The following RERE variants were observed in gnomAD, a reference collection of about 807,000 sequenced individuals.
RERE encodes arginine-glutamic acid dipeptide repeats protein.
A neutral mutation model predicts 146.1 loss-of-function variants in RERE; 40 were observed. That is an observed-to-expected ratio of 0.27 (90% CI 0.21 to 0.36). RERE has a LOEUF of 0.36. RERE is among the 10% of genes least tolerant of loss of function. The pLI, the probability that RERE is intolerant of heterozygous loss-of-function variation, is 1.00. For missense variants in RERE, 1,933 were observed against 2,138.7 expected, an observed-to-expected ratio of 0.90 and a Z score of 1.90; for synonymous variants, 1,003 against 866.0, an observed-to-expected ratio of 1.16 and a Z score of -2.78.
At chr1:8,484,422 A>C (rs1644872320) in intron 10 of RERE, among the ~76,000 whole-genome samples, 1 of 148,276 alleles carries the variant, frequency 6.7e-6, no homozygotes, top group Admixed American at 7.1e-5. Context: ...AAAAATACAA[A>C]TAAAACTTTT....
At chr1:8,467,067 T>C (rs910674634) in intron 10 of RERE, among the ~76,000 whole-genome samples, 3 of 152,348 alleles carry the variant, frequency 2.0e-5, no homozygotes, top group South Asian at 2.1e-4. Flanking sequence ...ACACAGTCCA[T>C]AGTATAAGGT....
At position 8,358,865 on chromosome 1, in the gene RERE, C is replaced by A. The variant is rs757937844; in HGVS notation, c.3670G>T (p.Gly1224Cys). Residue 1224 changes from glycine to cysteine, a missense_variant, in exon 20 of 23, where the codon GGT (glycine) becomes TGT (cysteine). Around this residue, in one of 11 missense-constraint regions of RERE, gnomAD observed 1,255 missense variants for 1,153.8 expected, o/e 1.09. Transcript: ENST00000400908. ...EGRLSDPQLS[G>C]PGHMRPSFEP... is the part of the protein sequence containing the mutation. ...AAGGATGGCCGCATGTGGCCAGGACCACTGAGCTGTGGGTCACTGAGGCGA... is the reference window on the plus strand; with the variant it reads ...AAGGATGGCCGCATGTGGCCAGGACAACTGAGCTGTGGGTCACTGAGGCGA... 6.3e-7 allele frequency: 1 copy of A among 1,586,566 alleles called. No homozygotes were observed. Among genetic ancestry groups the A allele is most frequent in the Non-Finnish European group, 8.6e-7 (1 of 1,164,876 alleles).
chr1:8,596,036 T>C (rs1025624920), intron 4 of RERE, among the ~76,000 whole-genome samples: 7 of 152,168 alleles, frequency 4.6e-5, no homozygotes, highest in Non-Finnish European at 8.8e-5. Context: ...ACTGATCCAC[T>C]AGAAATAAAG....
At chr1:8,355,384 TA>T in intron 22 of RERE, 34 bp downstream of exon 22, 1 of 1,603,516 alleles carries the variant, frequency 6.2e-7, no homozygotes, top group Non-Finnish European at 8.5e-7. Flanking sequence ...TGGGCTCAGA[TA>T]ACCCCTCCAC....
chr1:8,545,633 CTT>C (rs1197146390), intron 6 of RERE, among the ~76,000 whole-genome samples: 3 of 149,554 alleles, frequency 2.0e-5, no homozygotes, highest in African/African-American at 4.9e-5. Context: ...AAGATGGAGT[CTT>C]AAGAATAAAA....
chr1:8,362,422 G>C (rs905632198), intron 16 of RERE, among the ~76,000 whole-genome samples: 1 of 152,140 alleles, frequency 6.6e-6, no homozygotes, highest in African/African-American at 2.4e-5. Context: ...GGAGGGAGCC[G>C]TTCTAACCAC....
rs531046712 is a variant in RERE at position 8,747,126 on chromosome 1, C to T, written c.-145+70034G>A. 2.2e-4 allele frequency among the ~76,000 whole-genome samples: 34 copies of T among 152,108 alleles called. No individual in the cohort carries two copies. In the East Asian group the frequency reaches 5.0e-3, roughly 23 times the overall value. ...ACGCCATTCTCCTGCCTCAGCCTCCCGAGTAGCTGGGACTACAGGGGCCCA... is the reference window on the plus strand; with the variant it reads ...ACGCCATTCTCCTGCCTCAGCCTCCTGAGTAGCTGGGACTACAGGGGCCCA... On this transcript the variant is annotated intron_variant, in intron 1 of 22. Coordinates refer to ENST00000400908, the MANE Select transcript of RERE (RefSeq NM_001042681.2).
chr1:8,568,408 C>A (rs552857557), intron 4 of RERE, among the ~76,000 whole-genome samples: 2 of 152,318 alleles, frequency 1.3e-5, no homozygotes, highest in South Asian at 2.1e-4. Flanking sequence ...ATGTTTGTCA[C>A]CCTCAGAAAC....
chr1:8,599,445 C>T (rs1343140746), intron 4 of RERE, among the ~76,000 whole-genome samples: 1 of 152,016 alleles, frequency 6.6e-6, no homozygotes, highest in Non-Finnish European at 1.5e-5. Flanking sequence ...CTGTTAAACA[C>T]AGAGAATATG....
chr1:8,412,530 C>T (rs1230212849), intron 12 of RERE, among the ~76,000 whole-genome samples: 6 of 152,224 alleles, frequency 3.9e-5, no homozygotes, highest in Admixed American at 3.9e-4. Flanking sequence ...TGTGTGTGTT[C>T]ATGTGCACAC....
intron 7 of RERE, among the ~76,000 whole-genome samples, chr1:8,535,097 G>A (rs973841903): frequency 2.0e-5 from 3 of 151,896 alleles, no homozygotes; most frequent in East Asian, 1.9e-4. Context: ...CCGTACCTAC[G>A]AATAGCCACC....
At position 8,607,530 on chromosome 1, in the gene RERE, A is replaced by ATATT. The variant is rs1646732034; in HGVS notation, c.522+7030_522+7031insAATA. 1.2e-4 allele frequency among the ~76,000 whole-genome samples: 7 copies of ATATT among 57,598 alleles called. No individual in the cohort carries two copies. In the East Asian group the frequency reaches 6.7e-3, roughly 55 times the overall value. 37.8% of individuals were successfully genotyped at this position (57,598 alleles called of 152,430 possible). On this transcript the variant is annotated intron_variant, in intron 4 of 22. Coordinates refer to ENST00000400908, the MANE Select transcript of RERE (RefSeq NM_001042681.2). The stretch of plus-strand genomic sequence containing the variant: ...GCCCCGCATATTTGTTTTTATATAT[A>ATATT]TTTCTTTTTTTTTTTTTTTTTTTTT...
rs1423950651 is a variant in RERE, at chr1:8,482,680, G to GC, written c.1104+12382dup. ...CTGGGCAACAGAGTGAGATTCTGTTGCAAAAAAAAAAAAAAAAAAAAAAAA... is the reference window on the plus strand; with the variant it reads ...CTGGGCAACAGAGTGAGATTCTGTTGCCAAAAAAAAAAAAAAAAAAAAAAAA... On this transcript the variant is annotated intron_variant, in intron 10 of 22. Transcript: ENST00000400908. Among the ~76,000 whole-genome samples, 264 of 27,830 alleles carry GC rather than the reference G, an allele frequency of 9.5e-3. 5 individuals are homozygous for GC. Among genetic ancestry groups the GC allele is most frequent in the African/African-American group, 0.03 (251 of 8,276 alleles). The allele number at this position is 27,830 out of a possible 152,430, so 18.3% of individuals were successfully genotyped here. A position where few individuals can be genotyped will look rare whatever the true frequency, so the allele number is the denominator to read the frequency against.
intron 2 of RERE, among the ~76,000 whole-genome samples, chr1:8,651,840 G>C (rs1024896888): frequency 6.6e-6 from 1 of 151,670 alleles, no homozygotes; most frequent in African/African-American, 2.4e-5. Context: ...TGTTTTTTAA[G>C]AGACAGTCTT....
intron 4 of RERE, among the ~76,000 whole-genome samples, chr1:8,575,075 C>T (rs184030062): frequency 5.5e-4 from 84 of 152,250 alleles, no homozygotes; most frequent in Non-Finnish European, 2.9e-5. Context: ...ACAATTGTTG[C>T]CTCTGAGGAG....
At chr1:8,535,920 A>C (rs989854031) in intron 7 of RERE, among the ~76,000 whole-genome samples, 79 of 152,076 alleles carry the variant, frequency 5.2e-4, no homozygotes, top group African/African-American at 1.8e-3. Flanking sequence ...ATCCTGGCCA[A>C]CATGGTGAAA....
chr1:8,641,804 G>A (rs985215646), intron 2 of RERE, among the ~76,000 whole-genome samples: 3 of 152,146 alleles, frequency 2.0e-5, no homozygotes, highest in Non-Finnish European at 2.9e-5. Context: ...GACACCTTAA[G>A]TAATTCACTG....
chr1:8,496,563 T>C (rs1319421323), intron 9 of RERE, among the ~76,000 whole-genome samples: 1 of 151,996 alleles, frequency 6.6e-6, no homozygotes, highest in Non-Finnish European at 1.5e-5. Context: ...AAAATTCAGA[T>C]GCCCTAATCC....
chr1:8,432,659 G>A (rs1238465339), intron 11 of RERE, among the ~76,000 whole-genome samples: 1 of 152,168 alleles, frequency 6.6e-6, no homozygotes, highest in Admixed American at 6.5e-5. Context: ...AGTATTTCAT[G>A]TCTTGTGTAA....
Sources: gnomAD v4.1 joint callset for allele counts (sites outside exome capture counted in the v4.1 genomes callset) on GRCh38, gnomAD v4.1.1 for gene constraint, gnomAD v4.1.1 regional missense constraint, MANE v1.5 for transcripts, NCBI Gene and HGNC (gene_info 2026-07-23, HGNC 2026-07-21) for gene names.